RASSF8: variants seen among roughly 807,000 people sequenced by gnomAD.
RASSF8 encodes ras association domain-containing protein 8.
RASSF8 carries 22 observed loss-of-function variants against 48.5 expected under a neutral mutation model. The ratio of observed to expected loss-of-function variants is 0.45; its 90% CI spans 0.32 to 0.65. RASSF8 has a LOEUF of 0.65. Among genes scored for constraint, RASSF8 ranks in the 30% least tolerant of loss-of-function variants. The probability of loss-of-function intolerance (pLI) is 0.03; values close to 1 mark genes in which losing one functional copy is unlikely to be tolerated. For missense variants in RASSF8, 418 were observed against 489.2 expected (o/e 0.85, Z 1.37); for synonymous variants, 127 against 171.5 (o/e 0.74, Z 2.03).
Position 26,072,074 on chromosome 12 carries a change from A to G in RASSF8, c.*3256A>G. The G allele has an allele frequency of 1.0e-6, 1 of 985,408 alleles. No individual in the cohort carries two copies. The highest frequency in any genetic ancestry group is 1.1e-4 in the East Asian group (1 of 8,826). 61.0% of individuals were successfully genotyped at this position (985,408 alleles called of 1,614,324 possible). A position where few individuals can be genotyped will look rare whatever the true frequency, so the allele number is the denominator to read the frequency against. On this transcript the variant is annotated 3_prime_UTR_variant, in exon 6 of 6. Coordinates refer to ENST00000689635, the MANE Select transcript of RASSF8 (RefSeq NM_001394098.1). ...CAAAAACTTTTGATTTCAGGCATGCAAAGTGCTTGGGCAGATGGACAGTTC... is the reference window on the plus strand; with the variant it reads ...CAAAAACTTTTGATTTCAGGCATGCGAAGTGCTTGGGCAGATGGACAGTTC...
chr12:26,065,073 G>A lies in RASSF8; in HGVS notation c.679G>A (p.Glu227Lys), dbSNP rs1943839138. The part of the protein sequence containing the change: ...DVEIEEEEFW[E>K]NELQIEQENE... ...AGAAATTGAGGAGGAAGAATTCTGG[G>A]AAAATGAATTACAGATTGAACAGGA... Residue 227 changes from glutamate to lysine, a missense_variant, in exon 4 of 6, where the codon GAA (glutamate) becomes AAA (lysine). Physicochemically the swap from Glu to Lys is moderately conservative, Grantham distance 56. Transcript: ENST00000689635. 6.2e-7 allele frequency: 1 copy of A among 1,613,964 alleles called. No individual in the cohort carries two copies. The highest frequency in any genetic ancestry group is 8.5e-7 in the Non-Finnish European group (1 of 1,179,904).
In RASSF8 at chr12:26,070,424, A is replaced by G; in HGVS notation, c.*1606A>G. ...GTCATAATGCAGAGTTGCCTTTTCTAGTGCAGCTAAGTGGCGGACCTCAAC... is the reference window on the plus strand; with the variant it reads ...GTCATAATGCAGAGTTGCCTTTTCTGGTGCAGCTAAGTGGCGGACCTCAAC... On this transcript the variant is annotated 3_prime_UTR_variant, in exon 6 of 6. Coordinates refer to ENST00000689635, the MANE Select transcript of RASSF8 (RefSeq NM_001394098.1). The G allele has an allele frequency of 1.0e-6, 1 of 985,350 alleles. No individual in the cohort carries two copies. The highest frequency in any genetic ancestry group is 4.7e-5 in the South Asian group (1 of 21,288). The allele number at this position is 985,350 out of a possible 1,614,324, so 61.0% of individuals were successfully genotyped here.
intron 2 of RASSF8, among the ~76,000 whole-genome samples, chr12:26,011,271 A>G (rs1942516602): frequency 7.4e-6 from 1 of 135,796 alleles, no homozygotes; most frequent in Non-Finnish European, 1.7e-5. Context: ...ATGGAAAGAA[A>G]TCCCCATTGA....
In RASSF8 at chr12:26,069,621, T is replaced by C; in HGVS notation, c.*803T>C. 11 of 985,444 alleles carry C rather than the reference T, an allele frequency of 1.1e-5. No individual in the cohort carries two copies. The highest frequency in any genetic ancestry group is 1.3e-5 in the Non-Finnish European group (11 of 829,926). 61.0% of individuals were successfully genotyped at this position (985,444 alleles called of 1,614,324 possible). A position where few individuals can be genotyped will look rare whatever the true frequency, so the allele number is the denominator to read the frequency against. On this transcript the variant is annotated 3_prime_UTR_variant, in exon 6 of 6. Coordinates refer to ENST00000689635, the MANE Select transcript of RASSF8 (RefSeq NM_001394098.1). ...ATGGGGTTTCCTGATACATTATGTG[T>C]TTTGTTTCTGCCCTGTCTTATCATT...
chr12:26,010,228 G>C (rs1942490588), intron 2 of RASSF8, among the ~76,000 whole-genome samples: 1 of 152,186 alleles, frequency 6.6e-6, no homozygotes. Flanking sequence ...CAAAGGGTTT[G>C]AGTTTTAAGT....
At chr12:26,037,692 A>G (rs1042994097) in intron 2 of RASSF8, among the ~76,000 whole-genome samples, 1 of 152,208 alleles carries the variant, frequency 6.6e-6, no homozygotes, top group Non-Finnish European at 1.5e-5. Context: ...ATTTCATTGC[A>G]TGGATAGCCT....
chr12:25,964,761 A>T (rs1382753605), intron 1 of RASSF8, among the ~76,000 whole-genome samples: 1 of 152,234 alleles, frequency 6.6e-6, no homozygotes, highest in East Asian at 1.9e-4. Flanking sequence ...TACTGTAAAA[A>T]TACCAGTGAG....
At chr12:26,039,402 T>C (rs1384077980) in intron 2 of RASSF8, among the ~76,000 whole-genome samples, 5 of 152,094 alleles carry the variant, frequency 3.3e-5, no homozygotes, top group Non-Finnish European at 7.4e-5. Flanking sequence ...GGCTTGGGAC[T>C]TGAGTTCTTT....
In RASSF8 at chr12:26,055,353, A is replaced by C; in HGVS notation, c.10A>C (p.Lys4Gln). The C allele has an allele frequency of 6.2e-7, 1 of 1,614,024 alleles. No homozygotes were observed. Among genetic ancestry groups the C allele is most frequent in the South Asian group, 1.1e-5 (1 of 91,072 alleles). Reference protein sequence around the residue: MELKVWVDGVQRIV... With the variant: MELQVWVDGVQRIV... The stretch of plus-strand genomic sequence containing the variant: ...GACTGGCCGGTGCACCATGGAACTT[A>C]AAGTATGGGTGGATGGAGTTCAGAG... Residue 4 changes from lysine to glutamine, a missense_variant, in exon 3 of 6, where the codon AAA becomes CAA. Physicochemically the swap from Lys to Gln is moderately conservative, Grantham distance 53. Transcript: ENST00000689635.
At position 26,071,649 on chromosome 12, in the gene RASSF8, T is replaced by C; in HGVS notation, c.*2831T>C. On this transcript the variant is annotated 3_prime_UTR_variant, in exon 6 of 6. Transcript: ENST00000689635. ...GATAACATTTTGTTTTTTGTCTTGA[T>C]GCACAGGGACTTTTTTATAATATGA... 1 of 985,016 alleles carries C rather than the reference T, an allele frequency of 1.0e-6. No homozygotes were observed. The highest frequency in any genetic ancestry group is 1.2e-6 in the Non-Finnish European group (1 of 829,574). 61.0% of individuals were successfully genotyped at this position (985,016 alleles called of 1,614,324 possible).
intron 1 of RASSF8, among the ~76,000 whole-genome samples, chr12:25,987,106 G>A (rs546968271): frequency 1.3e-5 from 2 of 152,144 alleles, no homozygotes; most frequent in Non-Finnish European, 2.9e-5. Flanking sequence ...AGCTAATTTT[G>A]TATTTTTAGT....
intron 2 of RASSF8, among the ~76,000 whole-genome samples, chr12:26,052,214 T>C (rs970779012): frequency 2.0e-5 from 3 of 152,330 alleles, no homozygotes; most frequent in East Asian, 3.9e-4. Flanking sequence ...TTCACAAATA[T>C]GGAATCTGCA....
At chr12:26,011,428 T>C (rs1942522198) in intron 2 of RASSF8, among the ~76,000 whole-genome samples, 1 of 152,208 alleles carries the variant, frequency 6.6e-6, no homozygotes, top group Non-Finnish European at 1.5e-5. Flanking sequence ...GAGTGGTAGA[T>C]GACTCTTCTA....
chr12:25,983,627 A>C (rs1406924522), intron 1 of RASSF8, among the ~76,000 whole-genome samples: 1 of 152,236 alleles, frequency 6.6e-6, no homozygotes, highest in East Asian at 1.9e-4. Context: ...AATAAAATTG[A>C]ATATGTGTAT....
intron 2 of RASSF8, among the ~76,000 whole-genome samples, chr12:26,025,306 C>G (rs1592280121): frequency 6.6e-6 from 1 of 152,044 alleles, no homozygotes; most frequent in East Asian, 1.9e-4. Flanking sequence ...GCCTGTAATC[C>G]CAGCACTTTG....
At chr12:25,968,072 T>G (rs1040622291) in intron 1 of RASSF8, among the ~76,000 whole-genome samples, 1 of 152,358 alleles carries the variant, frequency 6.6e-6, no homozygotes, top group Middle Eastern at 3.4e-3. Context: ...TGCTTCTAGC[T>G]GTCTCCTTTC....
intron 2 of RASSF8, among the ~76,000 whole-genome samples, chr12:26,010,625 T>C (rs1353568290): frequency 6.6e-6 from 1 of 152,230 alleles, no homozygotes; most frequent in African/African-American, 2.4e-5. Context: ...TTGAATGTGC[T>C]TTAGTTTAAT....
chr12:25,980,748 T>TGA (rs1171272874), intron 1 of RASSF8, among the ~76,000 whole-genome samples: 1 of 152,124 alleles, frequency 6.6e-6, no homozygotes, highest in Non-Finnish European at 1.5e-5. Context: ...GAAAGGCTGT[T>TGA]GAGAGAGTCA....
At chr12:25,995,864 G>A (rs1385113147) in intron 2 of RASSF8, among the ~76,000 whole-genome samples, 2 of 151,258 alleles carry the variant, frequency 1.3e-5, no homozygotes, top group Non-Finnish European at 3.0e-5. Context: ...CTCTGTAAGG[G>A]CACCAGCCAG....
Sources: allele counts gnomAD v4.1 joint callset (sites outside exome capture counted in the v4.1 genomes callset), GRCh38; gene constraint gnomAD v4.1.1; transcripts MANE v1.5; gene names NCBI Gene and HGNC (gene_info 2026-07-23, HGNC 2026-07-21).